The following L3MBTL4 variants were observed in gnomAD, a reference collection of about 807,000 sequenced individuals.
L3MBTL4 encodes lethal(3)malignant brain tumor-like protein 4.
L3MBTL4 carries 70 observed loss-of-function variants against 84.5 expected under a neutral mutation model. That is an observed-to-expected ratio of 0.83 (90% CI 0.68 to 1.01). The LOEUF (loss-of-function observed/expected upper bound fraction) is 1.01, where lower values mean the gene tolerates loss of function less well. Among genes scored for constraint, L3MBTL4 ranks in the 50% least tolerant of loss-of-function variants. The pLI is 0.00. For synonymous variants in L3MBTL4, 274 were observed against 259.8 expected (o/e 1.05, Z -0.52); for missense variants, 715 against 754.8 (o/e 0.95, Z 0.62).
At chr18:6,357,373 A>G (rs1599762334) in intron 1 of L3MBTL4, among the ~76,000 whole-genome samples, 1 of 152,330 alleles carries the variant, frequency 6.6e-6, no homozygotes, top group South Asian at 2.1e-4. Context: ...AAAAGCACCA[A>G]ACAAAAAAGT....
intron 12 of L3MBTL4, among the ~76,000 whole-genome samples, chr18:6,212,001 T>C (rs1266370797): frequency 6.6e-6 from 1 of 152,190 alleles, no homozygotes; most frequent in Non-Finnish European, 1.5e-5. Context: ...ACAAAGCAAT[T>C]ATGATATGCA....
chr18:6,036,118 A>G (rs755682861), intron 16 of L3MBTL4, among the ~76,000 whole-genome samples: 4 of 152,200 alleles, frequency 2.6e-5, no homozygotes, highest in Non-Finnish European at 4.4e-5. Context: ...TGCTGCTTTC[A>G]ACATTCTCTG....
chr18:6,237,842 CAT>C (rs2047280577), intron 10 of L3MBTL4, 120 bp downstream of exon 10: 1 of 756,560 alleles, frequency 1.3e-6, no homozygotes, highest in South Asian at 1.5e-5. Flanking sequence ...CAGAATCTCA[CAT>C]AGTGTTTTTA....
intron 1 of L3MBTL4, chr18:6,356,720 G>T (rs570327360): frequency 6.6e-6 from 1 of 152,346 alleles, no homozygotes; most frequent in African/African-American, 2.4e-5. Flanking sequence ...GTTGCTCTGG[G>T]TGGATCAGTG....
chr18:5,958,109 GAAGAAGAAGAAGAAGAAGAAAAA>G, intron 18 of L3MBTL4, among the ~76,000 whole-genome samples: 1 of 92,850 alleles, frequency 1.1e-5, no homozygotes, highest in Non-Finnish European at 2.0e-5. Context: ...AGAAGAAGAA[GAAGAAGAAGAAGAAGAAGAAAAA>G]GAAGAAGAAG....
intron 12 of L3MBTL4, among the ~76,000 whole-genome samples, chr18:6,199,934 G>C (rs2045578900): frequency 1.3e-5 from 2 of 152,216 alleles, no homozygotes; most frequent in Admixed American, 1.3e-4. Context: ...AAAGAGCTCT[G>C]GAAGTGTCCT....
intron 16 of L3MBTL4, among the ~76,000 whole-genome samples, chr18:6,051,519 G>A (rs1309170844): frequency 4.0e-5 from 6 of 151,602 alleles, no homozygotes; most frequent in African/African-American, 1.2e-4. Flanking sequence ...AGCCTGGGCG[G>A]CGCAGCAAGG....
At chr18:6,072,700 A>T (rs112021238) in intron 16 of L3MBTL4, among the ~76,000 whole-genome samples, 1 of 145,776 alleles carries the variant, frequency 6.9e-6, no homozygotes, top group African/African-American at 2.6e-5. Context: ...ACACACACAA[A>T]AAAAAATTAG....
chr18:6,196,393 A>G (rs749482186), intron 12 of L3MBTL4, among the ~76,000 whole-genome samples: 134 of 152,184 alleles, frequency 8.8e-4, no homozygotes, highest in Middle Eastern at 3.4e-3. Flanking sequence ...TCCTGACCTC[A>G]TGATCTGCCC....
chr18:6,041,501 C>T (rs1359926558), intron 16 of L3MBTL4, among the ~76,000 whole-genome samples: 1 of 137,292 alleles, frequency 7.3e-6, no homozygotes, highest in African/African-American at 2.8e-5. Flanking sequence ...TGCTCCACAT[C>T]CCCTTATTTC....
At chr18:6,189,268 G>A (rs1486068874) in intron 12 of L3MBTL4, among the ~76,000 whole-genome samples, 1 of 152,146 alleles carries the variant, frequency 6.6e-6, no homozygotes, top group Non-Finnish European at 1.5e-5. Context: ...TGAAACCCAG[G>A]ATGAGCTCAT....
chr18:6,305,408 A>C (rs693583), intron 3 of L3MBTL4, among the ~76,000 whole-genome samples: 5,165 of 152,294 alleles, frequency 0.034, 232 homozygotes, highest in African/African-American at 0.11. Flanking sequence ...TCTTCTGTCT[A>C]GCTAATTAAT....
intron 5 of L3MBTL4, among the ~76,000 whole-genome samples, chr18:6,250,975 G>A (rs1026906006): frequency 7.2e-5 from 11 of 152,132 alleles, no homozygotes; most frequent in South Asian, 2.1e-4. Flanking sequence ...TTACATAGGC[G>A]AACTGTGATA....
intron 5 of L3MBTL4, among the ~76,000 whole-genome samples, chr18:6,245,689 A>G (rs2047633220): frequency 6.6e-6 from 1 of 151,204 alleles, no homozygotes; most frequent in Non-Finnish European, 1.5e-5. Context: ...TCCCAGGTTC[A>G]AGCAATTCTC....
intron 5 of L3MBTL4, 123 bp from the exon 6 acceptor site, chr18:6,244,711 T>G (rs1347667640): frequency 2.9e-6 from 2 of 693,180 alleles, no homozygotes; most frequent in African/African-American, 3.5e-5. Flanking sequence ...GAGAGTAGAA[T>G]GGTGTCTACC....
intron 12 of L3MBTL4, among the ~76,000 whole-genome samples, chr18:6,201,780 C>T (rs1195338757): frequency 6.6e-6 from 1 of 152,088 alleles, no homozygotes; most frequent in African/African-American, 2.4e-5. Flanking sequence ...CAAAATTTCA[C>T]ATAAAATTGC....
intron 1 of L3MBTL4, among the ~76,000 whole-genome samples, chr18:6,330,550 G>A (rs2051977714): frequency 6.6e-6 from 1 of 152,172 alleles, no homozygotes; most frequent in African/African-American, 2.4e-5. Flanking sequence ...GCAATTACAT[G>A]GGTCCGCCTG....
At chr18:6,247,790 T>C (rs1315676554) in intron 5 of L3MBTL4, among the ~76,000 whole-genome samples, 1 of 151,780 alleles carries the variant, frequency 6.6e-6, no homozygotes, top group Non-Finnish European at 1.5e-5. Flanking sequence ...CTCTGATTTT[T>C]TGACTAGAAC....
chr18:6,031,069 T>G (rs752849915), intron 16 of L3MBTL4: 212 of 985,264 alleles, frequency 2.2e-4, no homozygotes, highest in Non-Finnish European at 2.5e-4. Context: ...ACTTAATACA[T>G]CCAATTATTA....
Sources: gnomAD v4.1 joint callset for allele counts (sites outside exome capture counted in the v4.1 genomes callset) on GRCh38, gnomAD v4.1.1 for gene constraint, MANE v1.5 for transcripts, NCBI Gene and HGNC (gene_info 2026-07-23, HGNC 2026-07-21) for gene names.